Variants in FARS2 observed in about 807,000 individuals in gnomAD.
FARS2 encodes phenylalanyl-tRNA synthetase 2, mitochondrial.
A neutral mutation model predicts 46.4 loss-of-function variants in FARS2; 40 were observed. The observed-to-expected ratio is 0.86, with a 90% CI of 0.67 to 1.12. The LOEUF (loss-of-function observed/expected upper bound fraction) is 1.12, where lower values mean the gene tolerates loss of function less well. FARS2 is among the 50% of genes most tolerant of loss of function. The pLI, the probability that FARS2 is intolerant of heterozygous loss-of-function variation, is 0.00. For missense variants in FARS2, 513 were observed against 567.9 expected, an observed-to-expected ratio of 0.90 and a Z score of 0.98; for synonymous variants, 234 against 214.9, an observed-to-expected ratio of 1.09 and a Z score of -0.78.
intron 6 of FARS2, among the ~76,000 whole-genome samples, chr6:5,692,106 A>C (rs1455238405): frequency 2.0e-5 from 3 of 152,206 alleles, no homozygotes; most frequent in Non-Finnish European, 4.4e-5. Context: ...TTTGACTAGG[A>C]AAGGGAATTC....
At chr6:5,706,640 G>A (rs1758783988) in intron 6 of FARS2, among the ~76,000 whole-genome samples, 1 of 152,156 alleles carries the variant, frequency 6.6e-6, no homozygotes, top group African/African-American at 2.4e-5. Flanking sequence ...TTTAGCTTTT[G>A]AAGGAGGCCT....
chr6:5,477,164 G>A (rs1177725429), intron 4 of FARS2, among the ~76,000 whole-genome samples: 4 of 152,144 alleles, frequency 2.6e-5, no homozygotes, highest in African/African-American at 4.8e-5. Flanking sequence ...AATAATTTGT[G>A]TATAATTCCT....
chr6:5,443,343 T>C (rs1223460436), intron 4 of FARS2, among the ~76,000 whole-genome samples: 1 of 152,186 alleles, frequency 6.6e-6, no homozygotes, highest in African/African-American at 2.4e-5. Context: ...TATCAGACTG[T>C]AGTATTGTTC....
At chr6:5,456,317 C>T (rs12664978) in intron 4 of FARS2, among the ~76,000 whole-genome samples, 5,715 of 152,270 alleles carry the variant, frequency 0.038, 152 homozygotes, top group East Asian at 0.12. Context: ...CAAACAAAGC[C>T]GTGTTCTTGT....
chr6:5,331,516 G>A (rs73367016), intron 1 of FARS2, among the ~76,000 whole-genome samples: 9,278 of 152,150 alleles, frequency 0.061, 347 homozygotes, highest in Middle Eastern at 0.13. Flanking sequence ...CTGGTGTCTT[G>A]TTCACATTTG....
At chr6:5,410,478 G>C (rs982274483) in intron 3 of FARS2, among the ~76,000 whole-genome samples, 1 of 152,032 alleles carries the variant, frequency 6.6e-6, no homozygotes, top group African/African-American at 2.4e-5. Flanking sequence ...TTCTATTTCA[G>C]GCATTTCAGA....
upstream of FARS2, chr6:5,261,283 C>G (rs1331902142): frequency 6.5e-6 from 1 of 153,016 alleles, no homozygotes; most frequent in South Asian, 2.0e-4. Context: ...CGCCCCGCCC[C>G]TGACCGCCGA....
intron 6 of FARS2, among the ~76,000 whole-genome samples, chr6:5,755,942 G>C (rs527494463): frequency 2.6e-5 from 4 of 152,182 alleles, no homozygotes; most frequent in Non-Finnish European, 4.4e-5. Context: ...CTTCTTCTCC[G>C]TGTTCTTCAA....
intron 5 of FARS2, among the ~76,000 whole-genome samples, chr6:5,597,222 T>A (rs555290732): frequency 1.2e-4 from 18 of 152,314 alleles, no homozygotes; most frequent in African/African-American, 4.3e-4. Flanking sequence ...TGTTTTGTTA[T>A]TTGAATGGAC....
intron 4 of FARS2, among the ~76,000 whole-genome samples, chr6:5,457,276 T>C (rs1186339543): frequency 6.6e-6 from 1 of 152,170 alleles, no homozygotes; most frequent in African/African-American, 2.4e-5. Flanking sequence ...TCAGGGGGCA[T>C]GGGTATTGAA....
At chr6:5,434,949 T>G (rs1388478273) in intron 4 of FARS2, among the ~76,000 whole-genome samples, 1 of 152,210 alleles carries the variant, frequency 6.6e-6, no homozygotes, top group African/African-American at 2.4e-5. Flanking sequence ...CAGACATCAG[T>G]TGAGCCCTTC....
chr6:5,444,358 T>G (rs1443379665), intron 4 of FARS2, among the ~76,000 whole-genome samples: 1 of 150,472 alleles, frequency 6.6e-6, no homozygotes, highest in African/African-American at 2.5e-5. Context: ...TCCCAGCTAC[T>G]TGGGAGGCTG....
chr6:5,616,010 T>TAAAAAAAAAAAAA (rs11327256), intron 6 of FARS2, among the ~76,000 whole-genome samples: 18 of 95,830 alleles, frequency 1.9e-4, no homozygotes, highest in Non-Finnish European at 2.1e-4. Context: ...CCATAGCTCT[T>TAAAAAAAAAAAAA]AAAAAAAAAA....
At chr6:5,634,994 T>C (rs1421902280) in intron 6 of FARS2, among the ~76,000 whole-genome samples, 1 of 152,242 alleles carries the variant, frequency 6.6e-6, no homozygotes, top group East Asian at 1.9e-4. Context: ...GAGTAGTGGC[T>C]ACAGCACTGG....
upstream of FARS2, chr6:5,260,981 A>C: frequency 8.4e-7 from 1 of 1,185,166 alleles, no homozygotes; most frequent in Non-Finnish European, 1.0e-6. Context: ...GCTGGGAGGG[A>C]GATGCCTCCG....
intron 6 of FARS2, among the ~76,000 whole-genome samples, chr6:5,748,316 C>T (rs1052643302): frequency 2.0e-5 from 3 of 152,192 alleles, no homozygotes; most frequent in Admixed American, 1.3e-4. Context: ...GTCTCAGGGA[C>T]TCATCTCGAG....
At chr6:5,409,857 C>T (rs895221576) in intron 3 of FARS2, among the ~76,000 whole-genome samples, 3 of 152,160 alleles carry the variant, frequency 2.0e-5, no homozygotes, top group African/African-American at 4.8e-5. Context: ...GTGTTTCTGC[C>T]GGTTGTGTTG....
At chr6:5,563,069 C>A (rs189762197) in intron 5 of FARS2, among the ~76,000 whole-genome samples, 1 of 147,570 alleles carries the variant, frequency 6.8e-6, no homozygotes, top group South Asian at 2.3e-4. Flanking sequence ...AAGAAGCTCC[C>A]CCGTACAGAG....
chr6:5,584,726 A>G (rs1037425026), intron 5 of FARS2, among the ~76,000 whole-genome samples: 1 of 152,156 alleles, frequency 6.6e-6, no homozygotes, highest in African/African-American at 2.4e-5. Flanking sequence ...ATAGCGTTTA[A>G]TGAAGAGGTC....
Sources: allele counts gnomAD v4.1 joint callset (sites outside exome capture counted in the v4.1 genomes callset), GRCh38; gene constraint gnomAD v4.1.1; transcripts MANE v1.5; gene names NCBI Gene and HGNC (gene_info 2026-07-23, HGNC 2026-07-21).